RAPGEF5: variants seen among roughly 807,000 people sequenced by gnomAD.
The protein encoded by RAPGEF5 is M-Ras-regulated GEF.
RAPGEF5 carries 65 observed loss-of-function variants against 125.2 expected under a neutral mutation model. The ratio of observed to expected loss-of-function variants is 0.52; its 90% CI spans 0.43 to 0.64. The LOEUF (loss-of-function observed/expected upper bound fraction) is 0.64. RAPGEF5 is among the 30% of genes least tolerant of loss of function. RAPGEF5 has a pLI of 0.00. For missense variants in RAPGEF5, 958 were observed against 1,048.1 expected (o/e 0.91, Z 1.19); for synonymous variants, 391 against 385.9 (o/e 1.01, Z -0.16).
Position 22,357,011 on chromosome 7 carries a change from G to C in RAPGEF5, c.50C>G (p.Pro17Arg). 1.9e-6 allele frequency: 2 copies of C among 1,026,610 alleles called. No individual in the cohort carries two copies. The highest frequency in any genetic ancestry group is 2.3e-6 in the Non-Finnish European group (2 of 858,766). 63.6% of individuals were successfully genotyped at this position (1,026,610 alleles called of 1,614,324 possible). ...CACCGCCGCCGCGGCGGCCAGGGCC[G>C]GGCTCTCGCACGGCGGCTGCATCTT... ...SVKMQPPCES[P>R]ALAAAAAVVA... The change falls in exon 1 of 26, where the codon CCG (proline) becomes CGG (arginine). Residue 17 changes from proline (P) to arginine (R), a missense_variant. Coordinates refer to ENST00000665637, the MANE Select transcript of RAPGEF5 (RefSeq NM_012294.5).
At chr7:22,193,065 A>C (rs1583469032) in intron 11 of RAPGEF5, 2 of 470,918 alleles carry the variant, frequency 4.2e-6, no homozygotes, top group East Asian at 7.2e-5. Flanking sequence ...TGGGCTATTG[A>C]ATGTTGGTCT....
chr7:22,232,760 G>T (rs1786090910), intron 7 of RAPGEF5, among the ~76,000 whole-genome samples: 1 of 152,156 alleles, frequency 6.6e-6, no homozygotes, highest in South Asian at 2.1e-4. Context: ...CATACAGTAG[G>T]GCTCTGCAAA....
intron 9 of RAPGEF5, chr7:22,203,009 G>T: frequency 4.3e-6 from 1 of 235,172 alleles, no homozygotes; most frequent in Non-Finnish European, 9.0e-6. Context: ...TTGTATCAGG[G>T]TCTTGCTATG....
chr7:22,203,054 C>A (rs2128128599), intron 9 of RAPGEF5: 2 of 171,362 alleles, frequency 1.2e-5, no homozygotes, highest in East Asian at 1.8e-4. Context: ...TAAATATCAT[C>A]CAAATTTTAA....
At chr7:22,340,327 C>T (rs559409462) in intron 1 of RAPGEF5, among the ~76,000 whole-genome samples, 2 of 152,224 alleles carry the variant, frequency 1.3e-5, no homozygotes, top group African/African-American at 4.8e-5. Flanking sequence ...ACCACAAAGC[C>T]AAAGGAAACC....
At chr7:22,290,668 C>A (rs1311953512) in intron 6 of RAPGEF5, among the ~76,000 whole-genome samples, 1 of 150,336 alleles carries the variant, frequency 6.7e-6, no homozygotes, top group African/African-American at 2.4e-5. Context: ...TGGCGTGAAC[C>A]CGGGAGGCGG....
chr7:22,355,681 A>G (rs925439919), intron 1 of RAPGEF5, among the ~76,000 whole-genome samples: 23 of 152,130 alleles, frequency 1.5e-4, no homozygotes, highest in African/African-American at 5.1e-4. Context: ...TTTCCACCTG[A>G]GATGGAAAAT....
intron 11 of RAPGEF5, among the ~76,000 whole-genome samples, chr7:22,173,496 C>T (rs997903999): frequency 6.6e-6 from 1 of 152,156 alleles, no homozygotes; most frequent in African/African-American, 2.4e-5. Context: ...ACTTATTTAA[C>T]GCTGTTTATA....
intron 3 of RAPGEF5, among the ~76,000 whole-genome samples, chr7:22,313,554 T>C (rs1399601272): frequency 1.3e-5 from 2 of 152,242 alleles, no homozygotes; most frequent in African/African-American, 4.8e-5. Context: ...CTCCCCATTC[T>C]ATTCCCGTTA....
intron 6 of RAPGEF5, among the ~76,000 whole-genome samples, chr7:22,269,707 C>G (rs1199215214): frequency 2.0e-5 from 3 of 152,192 alleles, no homozygotes; most frequent in Non-Finnish European, 2.9e-5. Context: ...AGCAATTACA[C>G]AAACAGGGAC....
chr7:22,272,657 T>C (rs1782463572), intron 6 of RAPGEF5, among the ~76,000 whole-genome samples: 1 of 152,200 alleles, frequency 6.6e-6, no homozygotes, highest in South Asian at 2.1e-4. Flanking sequence ...CCAAAAAATA[T>C]ACAACTTTTA....
intron 12 of RAPGEF5, among the ~76,000 whole-genome samples, chr7:22,162,795 T>C (rs937693237): frequency 6.6e-6 from 1 of 152,134 alleles, no homozygotes; most frequent in Non-Finnish European, 1.5e-5. Context: ...GCTGACATGG[T>C]TTCATAGGCA....
chr7:22,245,072 T>C (rs777587356), intron 7 of RAPGEF5, among the ~76,000 whole-genome samples: 1 of 152,352 alleles, frequency 6.6e-6, no homozygotes, highest in Admixed American at 6.5e-5. Flanking sequence ...TCATGAATAG[T>C]AATATTGACC....
chr7:22,258,644 A>T (rs1164676244), intron 7 of RAPGEF5, among the ~76,000 whole-genome samples: 1 of 150,802 alleles, frequency 6.6e-6, no homozygotes, highest in African/African-American at 2.4e-5. Context: ...AAAAAAAAAA[A>T]AAAAAGAATA....
At chr7:22,345,032 T>C (rs1347160642) in intron 1 of RAPGEF5, among the ~76,000 whole-genome samples, 1 of 152,214 alleles carries the variant, frequency 6.6e-6, no homozygotes, top group Admixed American at 6.5e-5. Flanking sequence ...AGGCAGATGA[T>C]TGGGCCCTGT....
At chr7:22,245,224 T>C (rs1431510229) in intron 7 of RAPGEF5, among the ~76,000 whole-genome samples, 5 of 152,238 alleles carry the variant, frequency 3.3e-5, no homozygotes, top group African/African-American at 1.2e-4. Context: ...CCTTATCAAA[T>C]GTGTGGTTTA....
chr7:22,189,824 C>T (rs1482762140), intron 11 of RAPGEF5, among the ~76,000 whole-genome samples: 1 of 152,152 alleles, frequency 6.6e-6, no homozygotes, highest in Non-Finnish European at 1.5e-5. Context: ...AATTTCATTG[C>T]TGCTTGCTCT....
At chr7:22,188,251 T>G (rs1387310389) in intron 11 of RAPGEF5, among the ~76,000 whole-genome samples, 16 of 152,200 alleles carry the variant, frequency 1.1e-4, no homozygotes, top group Admixed American at 9.8e-4. Context: ...ATTCCAGGAA[T>G]GCTAAAAGGC....
intron 6 of RAPGEF5, among the ~76,000 whole-genome samples, chr7:22,284,083 G>GTGTT (rs1311495523): frequency 6.9e-6 from 1 of 145,712 alleles, no homozygotes; most frequent in Admixed American, 6.8e-5. Flanking sequence ...GTGTGTGTGT[G>GTGTT]TGTGTGCGCG....
Sources: gnomAD v4.1 joint callset for allele counts (sites outside exome capture counted in the v4.1 genomes callset) on GRCh38, gnomAD v4.1.1 for gene constraint, MANE v1.5 for transcripts, NCBI Gene and HGNC (gene_info 2026-07-23, HGNC 2026-07-21) for gene names.